ATE1: variants seen among roughly 807,000 people sequenced by gnomAD.
ATE1 encodes arginyltransferase 1.
Under a neutral mutation model 70.5 loss-of-function variants are expected in ATE1, and 36 were observed. That is an observed-to-expected ratio of 0.51 (90% confidence interval 0.39 to 0.67). The LOEUF is 0.67. ATE1 is among the 30% of genes least tolerant of loss of function. The pLI is 0.00. For missense variants in ATE1, 593 were observed against 629.5 expected, an observed-to-expected ratio of 0.94 and a Z score of 0.62; for synonymous variants, 232 against 219.3, an observed-to-expected ratio of 1.06 and a Z score of -0.51.
At chr10:121,779,058 A>C (rs1320568061) in intron 11 of ATE1, among the ~76,000 whole-genome samples, 1 of 151,978 alleles carries the variant, frequency 6.6e-6, no homozygotes, top group Non-Finnish European at 1.5e-5. Context: ...CGCTCTCAAC[A>C]CCATTTCCTA....
chr10:121,798,167 C>T (rs1374734918), intron 10 of ATE1, among the ~76,000 whole-genome samples: 1 of 152,164 alleles, frequency 6.6e-6, no homozygotes. Context: ...ATGTGGCTCC[C>T]ACATGTTCTT....
intron 7 of ATE1, among the ~76,000 whole-genome samples, chr10:121,897,244 C>A (rs1257605932): frequency 6.6e-6 from 1 of 152,198 alleles, no homozygotes; most frequent in African/African-American, 2.4e-5. Flanking sequence ...CTAGGAGAAG[C>A]TCCTGGGGAA....
intron 5 of ATE1, among the ~76,000 whole-genome samples, chr10:121,903,655 C>T (rs1331595524): frequency 6.6e-6 from 1 of 151,992 alleles, no homozygotes; most frequent in African/African-American, 2.4e-5. Context: ...CCACTGCACT[C>T]CAGCCTGGGC....
intron 11 of ATE1, among the ~76,000 whole-genome samples, chr10:121,766,529 T>C (rs1376066559): frequency 6.6e-6 from 1 of 152,114 alleles, no homozygotes; most frequent in Admixed American, 6.6e-5. Flanking sequence ...CTGGGTTTTC[T>C]TTTTGCCTCA....
intron 7 of ATE1, among the ~76,000 whole-genome samples, chr10:121,870,989 C>T (rs141817381): frequency 6.6e-6 from 1 of 152,242 alleles, no homozygotes; most frequent in African/African-American, 2.4e-5. Context: ...TTTCCAAGCA[C>T]TCATGAACTT....
At chr10:121,863,543 G>A (rs928029297) in intron 8 of ATE1, among the ~76,000 whole-genome samples, 4 of 151,848 alleles carry the variant, frequency 2.6e-5, no homozygotes, top group South Asian at 4.1e-4. Flanking sequence ...GAGCCACAGC[G>A]CCCAGCCGCC....
At chr10:121,922,265 C>CT in intron 3 of ATE1, 84 bp downstream of exon 3, 1 of 956,972 alleles carries the variant, frequency 1.0e-6, no homozygotes, top group Non-Finnish European at 1.6e-6. Context: ...CGGAAATAAA[C>CT]ATTAAAAAAG....
chr10:121,868,278 AAG>A (rs1277217407), intron 8 of ATE1, among the ~76,000 whole-genome samples: 3 of 152,214 alleles, frequency 2.0e-5, no homozygotes, highest in Admixed American at 2.0e-4. Flanking sequence ...TTTTATGAAA[AAG>A]AAATTCATAT....
intron 10 of ATE1, among the ~76,000 whole-genome samples, chr10:121,790,696 T>C (rs144502184): frequency 6.6e-6 from 1 of 152,338 alleles, no homozygotes; most frequent in Non-Finnish European, 1.5e-5. Flanking sequence ...TTTTTCAACA[T>C]GGAATTTCAC....
chr10:121,911,512 T>C (rs1188563501), intron 4 of ATE1, among the ~76,000 whole-genome samples: 2 of 150,772 alleles, frequency 1.3e-5, no homozygotes, highest in East Asian at 3.9e-4. Flanking sequence ...CCTTTACAAG[T>C]GGTGACCAAG....
At chr10:121,857,505 A>C (rs932357345) in intron 8 of ATE1, among the ~76,000 whole-genome samples, 18 of 152,056 alleles carry the variant, frequency 1.2e-4, no homozygotes, top group Admixed American at 1.0e-3. Flanking sequence ...TATCCACTCC[A>C]CCTTTGATGG....
At chr10:121,843,460 A>C (rs1948705213) in intron 8 of ATE1, among the ~76,000 whole-genome samples, 1 of 152,236 alleles carries the variant, frequency 6.6e-6, no homozygotes, top group Non-Finnish European at 1.5e-5. Context: ...TGTAGAGACA[A>C]AAGTCTCAGA....
chr10:121,759,483 C>T (rs10749426), intron 11 of ATE1, among the ~76,000 whole-genome samples: 2 of 151,534 alleles, frequency 1.3e-5, no homozygotes, highest in African/African-American at 4.9e-5. Flanking sequence ...CAGCACTTTG[C>T]GGGGCTGAGG....
At chr10:121,772,985 C>T (rs1945584837) in intron 11 of ATE1, among the ~76,000 whole-genome samples, 1 of 152,200 alleles carries the variant, frequency 6.6e-6, no homozygotes, top group Admixed American at 6.5e-5. Context: ...TTGCTATGTT[C>T]TGCTCAGAGG....
chr10:121,813,512 C>A (rs1947409457), intron 10 of ATE1, among the ~76,000 whole-genome samples: 1 of 152,206 alleles, frequency 6.6e-6, no homozygotes, highest in Non-Finnish European at 1.5e-5. Flanking sequence ...GAAATTCACT[C>A]ATGTGCTTCC....
intron 2 of ATE1, 141 bp from the exon 3 acceptor site, chr10:121,922,552 G>A: frequency 1.7e-6 from 1 of 605,414 alleles, no homozygotes; most frequent in Non-Finnish European, 3.0e-6. Flanking sequence ...CTCTTCATAA[G>A]CCAAATAATC....
intron 7 of ATE1, among the ~76,000 whole-genome samples, chr10:121,893,269 T>G (rs1388268066): frequency 7.3e-6 from 1 of 136,724 alleles, no homozygotes; most frequent in East Asian, 2.2e-4. Context: ...AGAGTGAGAC[T>G]TAGTCTCAAA....
chr10:121,817,641 G>A (rs1012068459), intron 10 of ATE1, among the ~76,000 whole-genome samples: 7 of 151,994 alleles, frequency 4.6e-5, no homozygotes, highest in Non-Finnish European at 1.0e-4. Flanking sequence ...TCCCATAAAC[G>A]TTGATATCAG....
chr10:121,756,778 C>T (rs1294055478), intron 11 of ATE1, among the ~76,000 whole-genome samples: 1 of 152,148 alleles, frequency 6.6e-6, no homozygotes, highest in Admixed American at 6.5e-5. Context: ...AGCACAGGGA[C>T]CCCTGGGCCC....
Sources: allele counts gnomAD v4.1 joint callset (sites outside exome capture counted in the v4.1 genomes callset), GRCh38; gene constraint gnomAD v4.1.1; transcripts MANE v1.5; gene names NCBI Gene and HGNC (gene_info 2026-07-23, HGNC 2026-07-21).